The following LRRC7 variants were observed in gnomAD, a reference collection of about 807,000 sequenced individuals.
The protein encoded by LRRC7 is leucine-rich repeat-containing protein 7.
Under a neutral mutation model 175.7 loss-of-function variants are expected in LRRC7, and 23 were observed. That is an observed-to-expected ratio of 0.13 (90% CI 0.09 to 0.19). LRRC7 has a LOEUF of 0.19. Ranked by LOEUF, LRRC7 falls within the 10% of genes least tolerant of loss-of-function variation. The pLI, the probability that LRRC7 is intolerant of heterozygous loss-of-function variation, is 1.00. For synonymous variants in LRRC7, 685 were observed against 680.9 expected (o/e 1.01, Z -0.09); for missense variants, 1,354 against 1,904.7 (o/e 0.71, Z 5.38).
chr1:69,974,897 A>G (rs1289109430), intron 8 of LRRC7, among the ~76,000 whole-genome samples: 1 of 152,180 alleles, frequency 6.6e-6, no homozygotes, highest in Admixed American at 6.5e-5. Flanking sequence ...CTCTAAGATG[A>G]TGTCATCTTT....
chr1:69,647,592 C>T (rs1655180655), intron 1 of LRRC7, among the ~76,000 whole-genome samples: 1 of 151,902 alleles, frequency 6.6e-6, no homozygotes, highest in African/African-American at 2.4e-5. Flanking sequence ...TTTATTTTTA[C>T]TTGTTTTTTT....
chr1:69,974,590 G>T (rs2101875429), intron 8 of LRRC7, among the ~76,000 whole-genome samples: 1 of 152,228 alleles, frequency 6.6e-6, no homozygotes, highest in Non-Finnish European at 1.5e-5. Context: ...TCAATGTGTT[G>T]GTTGAATGTA....
intron 1 of LRRC7, among the ~76,000 whole-genome samples, chr1:69,580,863 G>A (rs998560722): frequency 8.5e-5 from 13 of 152,188 alleles, no homozygotes; most frequent in Non-Finnish European, 1.9e-4. Context: ...AAGGTACTTA[G>A]AGTGAATATT....
At chr1:69,667,079 C>T (rs1658377637) in intron 1 of LRRC7, among the ~76,000 whole-genome samples, 3 of 152,096 alleles carry the variant, frequency 2.0e-5, no homozygotes, top group Admixed American at 2.0e-4. Context: ...TATTCAGGAG[C>T]ATATCATTTA....
intron 2 of LRRC7, among the ~76,000 whole-genome samples, chr1:69,756,823 G>T (rs942821915): frequency 2.6e-5 from 4 of 151,872 alleles, no homozygotes; most frequent in Non-Finnish European, 4.4e-5. Flanking sequence ...AAATTCACAG[G>T]ATGATAGTGA....
intron 7 of LRRC7, among the ~76,000 whole-genome samples, chr1:69,930,677 A>G (rs1647278920): frequency 6.6e-6 from 1 of 152,156 alleles, no homozygotes; most frequent in South Asian, 2.1e-4. Flanking sequence ...CAGACTGGGT[A>G]ATTTATATAG....
intron 1 of LRRC7, among the ~76,000 whole-genome samples, chr1:69,615,971 G>A (rs1340265845): frequency 6.6e-6 from 1 of 151,832 alleles, no homozygotes; most frequent in South Asian, 2.1e-4. Context: ...ACTTAATCAC[G>A]AATTATGTAT....
chr1:69,920,383 T>C (rs961265371), intron 7 of LRRC7: 1 of 151,572 alleles, frequency 6.6e-6, no homozygotes, highest in African/African-American at 2.4e-5. Context: ...AAAATAAACA[T>C]TGGCAAATTT....
chr1:70,012,018 G>T, intron 12 of LRRC7, 92 bp downstream of exon 12: 1 of 810,974 alleles, frequency 1.2e-6, no homozygotes. Flanking sequence ...GTAGATTCAT[G>T]AGTTGAGCTG....
chr1:69,868,422 T>C (rs1026687788), intron 7 of LRRC7, among the ~76,000 whole-genome samples: 1 of 152,152 alleles, frequency 6.6e-6, no homozygotes, highest in Non-Finnish European at 1.5e-5. Flanking sequence ...CTTGGAAAGA[T>C]ATTGATTAAA....
intron 11 of LRRC7, among the ~76,000 whole-genome samples, chr1:70,006,844 A>G (rs968597299): frequency 1.3e-5 from 2 of 152,166 alleles, no homozygotes; most frequent in Non-Finnish European, 2.9e-5. Flanking sequence ...AGGAAAACAC[A>G]TTAACCAGTT....
chr1:70,059,297 G>A (rs1414139744), intron 23 of LRRC7, among the ~76,000 whole-genome samples: 1 of 152,148 alleles, frequency 6.6e-6, no homozygotes, highest in African/African-American at 2.4e-5. Context: ...AGAGGAAGAG[G>A]AAGGCTTTAA....
intron 7 of LRRC7, among the ~76,000 whole-genome samples, chr1:69,895,862 T>C (rs1645964272): frequency 1.3e-5 from 2 of 152,204 alleles, no homozygotes; most frequent in Non-Finnish European, 2.9e-5. Flanking sequence ...TCCTTTCAGA[T>C]TTGGGCGATT....
In LRRC7 at chr1:69,729,016, G is replaced by A. The variant is rs201867213; in HGVS notation, c.101-31175G>A. Among the ~76,000 whole-genome samples, 22 of 152,234 alleles carry A rather than the reference G, an allele frequency of 1.4e-4. No individual in the cohort carries two copies. The East Asian group carries it at 3.7e-3, about 25-fold the overall frequency. ...CCTTCTACACATGGCAGCAGCAAGG[G>A]GAAGTGCTGAGCGAAAGGCAGGGAA... On this transcript the variant is annotated intron_variant, in intron 2 of 26. Coordinates refer to ENST00000651989, the MANE Select transcript of LRRC7 (RefSeq NM_001370785.2).
intron 24 of LRRC7, among the ~76,000 whole-genome samples, chr1:70,083,465 T>C (rs185514182): frequency 6.6e-6 from 1 of 152,280 alleles, no homozygotes; most frequent in East Asian, 1.9e-4. Context: ...AAGCTTAATT[T>C]ACATACCATG....
rs1266583734 is a variant in LRRC7, at chr1:70,127,577, AG to A, written c.*5691del. Among the ~76,000 whole-genome samples, 1 of 152,168 alleles carries A rather than the reference AG, an allele frequency of 6.6e-6. No individual in the cohort carries two copies. Among genetic ancestry groups the A allele is most frequent in the Non-Finnish European group, 1.5e-5 (1 of 68,028 alleles). On this transcript the variant is annotated 3_prime_UTR_variant, in exon 27 of 27. Transcript: ENST00000651989. Reference sequence around the variant, plus strand: ...TCAGAGGCATTTCTTCAGCTGGTAGAGTCTTCCCAGTTGGGTTCTGAGCTCA... The same window carrying A: ...TCAGAGGCATTTCTTCAGCTGGTAGATCTTCCCAGTTGGGTTCTGAGCTCA...
At chr1:69,659,501 T>A (rs1365411809) in intron 1 of LRRC7, among the ~76,000 whole-genome samples, 1 of 147,782 alleles carries the variant, frequency 6.8e-6, no homozygotes, top group Non-Finnish European at 1.5e-5. Context: ...AAACAAGACC[T>A]TAAACAATCA....
chr1:69,650,539 C>CAAAAAAAAAAA lies in LRRC7; in HGVS notation c.3-27837_3-27827dup, dbSNP rs574357981. Among the ~76,000 whole-genome samples, 12 of 79,206 alleles carry CAAAAAAAAAAA rather than the reference C, an allele frequency of 1.5e-4. 2 individuals carry two copies. The highest frequency in any genetic ancestry group is 5.3e-4 in the African/African-American group (10 of 19,028). 52.0% of individuals were successfully genotyped at this position (79,206 alleles called of 152,430 possible). ...TGGGCGAAAAAGAGAGACTCCGTCT[C>CAAAAAAAAAAA]AAAAAAAAAAAAAAATGCCAAGCAT... On this transcript the variant is annotated intron_variant, in intron 1 of 26. Coordinates refer to ENST00000651989, the MANE Select transcript of LRRC7 (RefSeq NM_001370785.2).
At chr1:69,837,512 G>A (rs1234275984) in intron 6 of LRRC7, among the ~76,000 whole-genome samples, 3 of 151,792 alleles carry the variant, frequency 2.0e-5, no homozygotes, top group Non-Finnish European at 4.4e-5. Context: ...GAATATGAAA[G>A]AGTTTGGATT....
Sources: allele counts gnomAD v4.1 joint callset (sites outside exome capture counted in the v4.1 genomes callset), GRCh38; gene constraint gnomAD v4.1.1; transcripts MANE v1.5; gene names NCBI Gene and HGNC (gene_info 2026-07-23, HGNC 2026-07-21).